CFAP263: variants seen among roughly 807,000 people sequenced by gnomAD.
The protein encoded by CFAP263 is cilia- and flagella-associated protein 263.
At chr16:58,258,360 TC>T in the CFAP263 span, 1 of 1,613,306 alleles carries the variant, frequency 6.2e-7, no homozygotes, top group Non-Finnish European at 8.5e-7. Flanking sequence ...TTGTGCTGAC[TC>T]CCCCAGGCGA....
chr16:58,250,647 C>T, the CFAP263 span, among the ~76,000 whole-genome samples: 1 of 151,860 alleles, frequency 6.6e-6, no homozygotes. Context: ...TGCCTGTAAT[C>T]CCATCTACTC....
the CFAP263 span, among the ~76,000 whole-genome samples, chr16:58,257,423 C>CT: frequency 3.3e-5 from 5 of 151,068 alleles, no homozygotes; most frequent in East Asian, 1.9e-4. Context: ...TTTATAACAT[C>CT]TTTTTTTTTA....
chr16:58,262,412 G>A, the CFAP263 span: 18 of 1,612,446 alleles, frequency 1.1e-5, no homozygotes, highest in South Asian at 1.5e-4. Context: ...GGCCCTTCAC[G>A]ATGTTGATTT....
At chr16:58,252,957 T>C in the CFAP263 span, 5 of 1,109,240 alleles carry the variant, frequency 4.5e-6, no homozygotes, top group Non-Finnish European at 5.4e-6. Context: ...CAATTGACCA[T>C]GGGACCTTCT....
the CFAP263 span, chr16:58,258,516 G>A: frequency 9.3e-6 from 15 of 1,613,300 alleles, no homozygotes; most frequent in Middle Eastern, 3.3e-4. Flanking sequence ...GACATGAACC[G>A]CCGGAGGGTA....
At chr16:58,273,176 T>A in the CFAP263 span, among the ~76,000 whole-genome samples, 1 of 152,250 alleles carries the variant, frequency 6.6e-6, no homozygotes, top group Admixed American at 6.5e-5. Context: ...TTTGCATTTC[T>A]TCTGTTTGGA....
At chr16:58,262,662 C>A in the CFAP263 span, 1 of 873,984 alleles carries the variant, frequency 1.1e-6, no homozygotes, top group Non-Finnish European at 1.7e-6. Context: ...CGCTGTCAAG[C>A]CATGTGTCCT....
At chr16:58,275,422 C>G in the CFAP263 span, among the ~76,000 whole-genome samples, 1 of 151,882 alleles carries the variant, frequency 6.6e-6, no homozygotes, top group African/African-American at 2.4e-5. Flanking sequence ...ATTAAAATAC[C>G]AAGGAAGGTT....
At chr16:58,254,836 A>C in the CFAP263 span, among the ~76,000 whole-genome samples, 1 of 151,850 alleles carries the variant, frequency 6.6e-6, no homozygotes, top group Non-Finnish European at 1.5e-5. Flanking sequence ...CGATCTCCTG[A>C]CCTCATGATC....
At chr16:58,258,211 A>G in the CFAP263 span, among the ~76,000 whole-genome samples, 1 of 151,836 alleles carries the variant, frequency 6.6e-6, no homozygotes, top group South Asian at 2.1e-4. Context: ...AATAACATTG[A>G]TATAGTCAAG....
chr16:58,254,110 A>T, the CFAP263 span: 1 of 1,614,104 alleles, frequency 6.2e-7, no homozygotes, highest in East Asian at 2.2e-5. Context: ...ATGAAGGATG[A>T]CTTACGACAC....
chr16:58,256,231 G>C, the CFAP263 span, among the ~76,000 whole-genome samples: 1 of 151,918 alleles, frequency 6.6e-6, no homozygotes, highest in Non-Finnish European at 1.5e-5. Context: ...TTCTAAACAT[G>C]CATTGTTGAA....
the CFAP263 span, among the ~76,000 whole-genome samples, chr16:58,276,628 T>G: frequency 6.6e-6 from 1 of 152,240 alleles, no homozygotes; most frequent in East Asian, 1.9e-4. Flanking sequence ...AACCACTGCC[T>G]GGAACAAGCA....
the CFAP263 span, among the ~76,000 whole-genome samples, chr16:58,275,470 A>G: frequency 6.6e-6 from 1 of 152,200 alleles, no homozygotes; most frequent in East Asian, 1.9e-4. Context: ...AAATCAACTG[A>G]CTCAAAAATT....
chr16:58,258,086 CA>C, the CFAP263 span, among the ~76,000 whole-genome samples: 1 of 120,314 alleles, frequency 8.3e-6, no homozygotes, highest in East Asian at 2.3e-4. Flanking sequence ...CCAGCCTGGG[CA>C]ATAGAGCGAG....
the CFAP263 span, among the ~76,000 whole-genome samples, chr16:58,267,269 C>G: frequency 6.6e-6 from 1 of 152,092 alleles, no homozygotes; most frequent in Non-Finnish European, 1.5e-5. Context: ...ACTTCTTTGC[C>G]TCTCCAGCTG....
chr16:58,274,616 C>T, the CFAP263 span, among the ~76,000 whole-genome samples: 10 of 152,218 alleles, frequency 6.6e-5, no homozygotes, highest in Non-Finnish European at 1.2e-4. Context: ...CATGTGCTCT[C>T]ACTCCTGCTA....
At chr16:58,258,870 C>T in the CFAP263 span, among the ~76,000 whole-genome samples, 4 of 151,716 alleles carry the variant, frequency 2.6e-5, no homozygotes, top group East Asian at 3.9e-4. Context: ...CCCAGCTGCT[C>T]GGGAGGCTGA....
chr16:58,257,345 T>C, the CFAP263 span, among the ~76,000 whole-genome samples: 2 of 152,206 alleles, frequency 1.3e-5, no homozygotes, highest in African/African-American at 4.8e-5. Context: ...CCAAAAATAG[T>C]ATCATGTTAT....
Sources: gnomAD v4.1 joint callset for allele counts (sites outside exome capture counted in the v4.1 genomes callset) on GRCh38, gnomAD v4.1.1 for gene constraint, MANE v1.5 for transcripts, NCBI Gene and HGNC (gene_info 2026-07-23, HGNC 2026-07-21) for gene names.